Variants in UNC5D observed in about 807,000 individuals in gnomAD.
The protein encoded by UNC5D is unc-5 netrin receptor D.
In UNC5D, 39 loss-of-function variants were observed where a neutral mutation model predicts 105.4. The observed-to-expected ratio is 0.37, with a 90% CI of 0.29 to 0.48. The LOEUF is 0.48. UNC5D is among the 20% of genes least tolerant of loss of function. UNC5D has a pLI of 0.98. For missense variants in UNC5D, 991 were observed against 1,202.4 expected (o/e 0.82, Z 2.60); for synonymous variants, 452 against 450.4 (o/e 1.00, Z -0.04).
chr8:35,604,690 G>A (rs192720138), intron 4 of UNC5D, among the ~76,000 whole-genome samples: 96 of 152,238 alleles, frequency 6.3e-4, no homozygotes, highest in Middle Eastern at 3.4e-3. Flanking sequence ...CCAATTAGAC[G>A]TAGATTTGGT....
intron 4 of UNC5D, among the ~76,000 whole-genome samples, chr8:35,647,388 TTGTGTGTGTG>T (rs10630575): frequency 6.8e-6 from 1 of 147,338 alleles, no homozygotes; most frequent in Non-Finnish European, 1.5e-5. Flanking sequence ...TCCTGTGTAT[TTGTGTGTGTG>T]TGTGTGTGTG....
At chr8:35,391,702 G>A (rs1276334010) in intron 1 of UNC5D, among the ~76,000 whole-genome samples, 3 of 152,130 alleles carry the variant, frequency 2.0e-5, no homozygotes, top group African/African-American at 7.2e-5. Context: ...GAGGAAAATA[G>A]GAAGCGTATT....
At chr8:35,482,791 A>ATTTT (rs1399256412) in intron 1 of UNC5D, among the ~76,000 whole-genome samples, 40 of 98,898 alleles carry the variant, frequency 4.0e-4, no homozygotes, top group Middle Eastern at 9.2e-3. Context: ...CATTAAAGAG[A>ATTTT]TCTTTTTTTT....
intron 1 of UNC5D, among the ~76,000 whole-genome samples, chr8:35,293,278 T>G (rs1448903098): frequency 2.0e-5 from 3 of 152,176 alleles, no homozygotes; most frequent in Admixed American, 6.5e-5. Flanking sequence ...TTTTGCTTTT[T>G]TATTTCCTCT....
chr8:35,485,937 C>G (rs1455410809), intron 1 of UNC5D, among the ~76,000 whole-genome samples: 1 of 152,216 alleles, frequency 6.6e-6, no homozygotes, highest in Non-Finnish European at 1.5e-5. Context: ...CTCCCAGGTT[C>G]TGGCCCCTCC....
rs1034186823 is a variant in UNC5D at position 35,525,696 on chromosome 8, TG to T, written c.104-23595del. On this transcript the variant is annotated intron_variant, in intron 1 of 16. Transcript: ENST00000404895. ...GGCTACCACCTCGCCCTGCAGCCGC[TG>T]CTCCTGGCACGTCCGGCACGACACC... 42 of 1,604,656 alleles carry T rather than the reference TG, an allele frequency of 2.6e-5. No individual in the cohort carries two copies. In the African/African-American group the frequency reaches 5.1e-4, roughly 19 times the overall value.
chr8:35,773,738 T>G (rs570484137), intron 15 of UNC5D, among the ~76,000 whole-genome samples: 1 of 152,320 alleles, frequency 6.6e-6, no homozygotes, highest in South Asian at 2.1e-4. Flanking sequence ...TGTTTTTTGT[T>G]TGAGGCGAAG....
intron 4 of UNC5D, among the ~76,000 whole-genome samples, chr8:35,649,851 CAT>C (rs1234303369): frequency 2.0e-5 from 3 of 152,126 alleles, no homozygotes; most frequent in Non-Finnish European, 4.4e-5. Flanking sequence ...TAGAAACAGA[CAT>C]AAAGCAGAAG....
At chr8:35,644,745 A>G (rs565314609) in intron 4 of UNC5D, among the ~76,000 whole-genome samples, 124 of 152,262 alleles carry the variant, frequency 8.1e-4, no homozygotes, top group Non-Finnish European at 1.4e-3. Context: ...TTCATGTGAA[A>G]GTTCTTTTCT....
At chr8:35,660,098 C>G (rs531488163) in intron 4 of UNC5D, among the ~76,000 whole-genome samples, 1 of 152,146 alleles carries the variant, frequency 6.6e-6, no homozygotes, top group African/African-American at 2.4e-5. Flanking sequence ...CCTTTTATCC[C>G]AAATAAAATG....
intron 4 of UNC5D, among the ~76,000 whole-genome samples, chr8:35,596,545 C>T (rs998589360): frequency 2.6e-5 from 4 of 152,098 alleles, no homozygotes; most frequent in East Asian, 1.9e-4. Flanking sequence ...GACACAGCCT[C>T]GGGAGGTCCT....
intron 1 of UNC5D, among the ~76,000 whole-genome samples, chr8:35,407,845 C>T (rs1201633025): frequency 2.0e-5 from 3 of 152,060 alleles, no homozygotes; most frequent in Admixed American, 6.6e-5. Flanking sequence ...CCAACTCCAT[C>T]CATTTCCCTG....
chr8:35,538,351 C>A (rs1367377124), intron 1 of UNC5D, among the ~76,000 whole-genome samples: 1 of 143,288 alleles, frequency 7.0e-6, no homozygotes, highest in Non-Finnish European at 1.5e-5. Context: ...ATACAGGGCC[C>A]ACGTCATGAA....
intron 1 of UNC5D, among the ~76,000 whole-genome samples, chr8:35,247,006 G>A (rs531396887): frequency 6.6e-6 from 1 of 152,144 alleles, no homozygotes; most frequent in East Asian, 1.9e-4. Flanking sequence ...AGAAAAAAAG[G>A]TGTTGAGGAG....
chr8:35,688,573 T>A (rs1586439785), intron 7 of UNC5D, among the ~76,000 whole-genome samples: 1 of 152,336 alleles, frequency 6.6e-6, no homozygotes, highest in Non-Finnish European at 1.5e-5. Flanking sequence ...GAAGACCACC[T>A]ACCCACCAGT....
In UNC5D at chr8:35,777,374, A is replaced by C. The variant is rs942808340; in HGVS notation, c.2657+2897A>C. Among the ~76,000 whole-genome samples the C allele has an allele frequency of 3.3e-5, 5 of 152,274 alleles. No homozygotes were observed. In the East Asian group the frequency reaches 9.7e-4, roughly 29 times the overall value. ...CAGTGAGCTATGATTGTGCCACTGC[A>C]CTCCAGCCTAGGTGACAGAGCAAGA... On this transcript the variant is annotated intron_variant, in intron 16 of 16. Transcript: ENST00000404895.
At chr8:35,235,995 C>G in intron 1 of UNC5D, 108 bp downstream of exon 1, 4 of 999,244 alleles carry the variant, frequency 4.0e-6, no homozygotes, top group Non-Finnish European at 5.1e-6. Context: ...CGCCCTGCAC[C>G]TCGGCGCTCC....
intron 14 of UNC5D, 76 bp from the exon 15 acceptor site, chr8:35,766,826 A>AT: frequency 2.8e-6 from 4 of 1,421,732 alleles, no homozygotes; most frequent in Admixed American, 2.3e-5. Flanking sequence ...CATCATCATC[A>AT]CTATTAAGTC....
chr8:35,506,605 G>A (rs928698102), intron 1 of UNC5D, among the ~76,000 whole-genome samples: 7 of 152,324 alleles, frequency 4.6e-5, no homozygotes, highest in African/African-American at 1.7e-4. Context: ...GAATGATTAG[G>A]CAGTGTTTGA....
Sources: gnomAD v4.1 joint callset for allele counts (sites outside exome capture counted in the v4.1 genomes callset) on GRCh38, gnomAD v4.1.1 for gene constraint, MANE v1.5 for transcripts, NCBI Gene and HGNC (gene_info 2026-07-23, HGNC 2026-07-21) for gene names.